RAD54L: variants seen among roughly 807,000 people sequenced by gnomAD.
RAD54L encodes RAD54 like, also known as DNA repair and recombination protein RAD54-like.
RAD54L carries 74 observed loss-of-function variants against 91.6 expected under a neutral mutation model. That is an observed-to-expected ratio of 0.81 (90% confidence interval 0.67 to 0.98). RAD54L has a LOEUF of 0.98. RAD54L is among the 50% of genes least tolerant of loss of function. RAD54L has a pLI of 0.00. For missense variants in RAD54L, 887 were observed against 945.7 expected (o/e 0.94, Z 0.81); for synonymous variants, 304 against 349.7 (o/e 0.87, Z 1.46).
intron 9 of RAD54L, 143 bp from the exon 10 acceptor site, chr1:46,270,515 TG>T: frequency 9.4e-7 from 1 of 1,068,646 alleles, no homozygotes. Context: ...CTCTCTGATC[TG>T]TTAAACAGAA....
intron 9 of RAD54L, among the ~76,000 whole-genome samples, chr1:46,268,583 C>G (rs1660330869): frequency 6.6e-6 from 1 of 152,226 alleles, no homozygotes; most frequent in African/African-American, 2.4e-5. Flanking sequence ...CTTCCTGACA[C>G]TATAGGTTGG....
At position 46,250,100 on chromosome 1, in the gene RAD54L, G is replaced by T. The variant is rs1243463133; in HGVS notation, c.191G>T (p.Cys64Phe). ...PLSQLTNQPP[C>F]LDSSQHEAFI... The stretch of plus-strand genomic sequence containing the variant: ...AGTCAGCTAACCAATCAACCACCTT[G>T]TCTGGACAGCAGTCAGCATGTAAGC... The change falls in exon 3 of 18, where the codon TGT (cysteine) becomes TTT (phenylalanine). Residue 64 changes from cysteine (C) to phenylalanine (F), a missense_variant. Physicochemically the swap from Cys to Phe is radical, Grantham distance 205. Transcript: ENST00000371975. 1 of 1,614,166 alleles carries T rather than the reference G, an allele frequency of 6.2e-7. No homozygotes were observed. The highest frequency in any genetic ancestry group is 1.7e-5 in the Admixed American group (1 of 60,008).
rs1376333438 is a variant in RAD54L at position 46,274,546 on chromosome 1, C to G, written c.1698C>G (p.Asp566Glu). 7 of 1,612,718 alleles carry G rather than the reference C, an allele frequency of 4.3e-6. No homozygotes were observed. Among genetic ancestry groups the G allele is most frequent in the Non-Finnish European group, 5.9e-6 (7 of 1,180,004 alleles). The change falls in exon 16 of 18, where the codon GAC becomes GAG. Residue 566 changes from aspartate (D) to glutamate (E), a missense_variant. Transcript: ENST00000371975. ...VERFNSPSSPDFVFMLSSKAG... is the reference protein window; with the variant it reads ...VERFNSPSSPEFVFMLSSKAG... ...GTTTCTTCTCTTTCCAGAGCCCTGA[C>G]TTTGTCTTCATGCTGAGCAGCAAAG... is the stretch of plus-strand genomic sequence containing the variant.
In RAD54L at chr1:46,261,270, T is replaced by G. The variant is rs1012002768; in HGVS notation, c.776T>G (p.Met259Arg). ...DEIDQKLEGF[M>R]NQRGARVSSP... is the part of the protein sequence containing the mutation. ...ACCTTTTCTGTTGTAGAAGGATTCA[T>G]GAACCAGCGTGGAGCCAGGGTGTCT... The change falls in exon 8 of 18, where the codon ATG (methionine) becomes AGG (arginine). Residue 259 changes from methionine (M) to arginine (R), a missense_variant. By Grantham distance (91) the Met-to-Arg change is moderately conservative. Coordinates refer to ENST00000371975, the MANE Select transcript of RAD54L (RefSeq NM_003579.4). 1 of 1,613,452 alleles carries G rather than the reference T, an allele frequency of 6.2e-7. No homozygotes were observed. Among genetic ancestry groups the G allele is most frequent in the African/African-American group, 1.3e-5 (1 of 74,756 alleles).
rs1246780598 is a variant in RAD54L, at chr1:46,267,457, AG to A, written c.893del. ...GCGCTCTGAATAAGGATTCTCTTGC[AG>A]GGACACAGGCTCAAGAACTCTGAGA... On this transcript the variant is annotated splice_acceptor_variant, in intron 8 of 17. Transcript: ENST00000371975. LOFTEE classifies it high-confidence loss of function. 1 of 1,613,992 alleles carries A rather than the reference AG, an allele frequency of 6.2e-7. No homozygotes were observed. Among genetic ancestry groups the A allele is most frequent in the Non-Finnish European group, 8.5e-7 (1 of 1,180,034 alleles).
chr1:46,259,176 CTTT>C (rs879837565), intron 4 of RAD54L, among the ~76,000 whole-genome samples: 1 of 144,690 alleles, frequency 6.9e-6, no homozygotes. Context: ...CTCTCTCTCT[CTTT>C]TTTTTTTTTT....
At chr1:46,264,691 G>A (rs1660219646) in intron 8 of RAD54L, among the ~76,000 whole-genome samples, 1 of 152,236 alleles carries the variant, frequency 6.6e-6, no homozygotes, top group Admixed American at 6.5e-5. Context: ...ACAAACTCAG[G>A]GAAGTGCGTA....
chr1:46,257,652 C>T (rs1659979945), intron 3 of RAD54L, among the ~76,000 whole-genome samples: 1 of 152,222 alleles, frequency 6.6e-6, no homozygotes, highest in Non-Finnish European at 1.5e-5. Flanking sequence ...CTGCTGTCAC[C>T]CTTGTCCCAC....
At chr1:46,257,030 G>T (rs1000523346) in intron 3 of RAD54L, among the ~76,000 whole-genome samples, 1 of 151,032 alleles carries the variant, frequency 6.6e-6, no homozygotes, top group African/African-American at 2.5e-5. Flanking sequence ...TGTAGTCCCA[G>T]CTACTTGGGA....
At chr1:46,255,067 C>T (rs767631280) in intron 3 of RAD54L, among the ~76,000 whole-genome samples, 2 of 152,098 alleles carry the variant, frequency 1.3e-5, no homozygotes, top group East Asian at 3.8e-4. Flanking sequence ...GAATTAGGGT[C>T]ATGTAGGCCA....
At position 46,258,548 on chromosome 1, in the gene RAD54L, T is replaced by C. The variant is rs1660005665; in HGVS notation, c.211-138T>C. The C allele has an allele frequency of 1.8e-5, 13 of 725,820 alleles. 1 individual carries two copies. In the South Asian group the frequency reaches 1.8e-4, roughly 10 times the overall value. The allele number at this position is 725,820 out of a possible 1,614,324, so 45.0% of individuals were successfully genotyped here. A position where few individuals can be genotyped will look rare whatever the true frequency, so the allele number is the denominator to read the frequency against. ...TGACTGAGGCTGGGCCCTTCTGCTA[T>C]CCCTGGATATTTGTAGAACCTTACA... On this transcript the variant is annotated intron_variant, in intron 3 of 17. Transcript: ENST00000371975.
chr1:46,258,813 C>T (rs113238778), intron 4 of RAD54L, 67 bp downstream of exon 4: 5 of 1,284,328 alleles, frequency 3.9e-6, no homozygotes, highest in South Asian at 3.6e-5. Flanking sequence ...AATTAAAAAC[C>T]TGCTTTTGTA....
chr1:46,256,844 A>C (rs768003749), intron 3 of RAD54L, among the ~76,000 whole-genome samples: 1 of 151,356 alleles, frequency 6.6e-6, no homozygotes, highest in African/African-American at 2.4e-5. Flanking sequence ...ACTTTTTTTA[A>C]ATTTAAAGTA....
chr1:46,261,126 A>C, intron 7 of RAD54L, 111 bp downstream of exon 7: 1 of 1,541,794 alleles, frequency 6.5e-7, no homozygotes, highest in East Asian at 2.4e-5. Context: ...AGAAGAAAAG[A>C]GAATTTCCAT....
chr1:46,253,687 A>G (rs1473797186), intron 3 of RAD54L, among the ~76,000 whole-genome samples: 1 of 103,836 alleles, frequency 9.6e-6, no homozygotes, highest in African/African-American at 3.6e-5. Flanking sequence ...TCTGTCCCCT[A>G]TTTTTCTACT....
At chr1:46,251,736 A>C (rs943084500) in intron 3 of RAD54L, among the ~76,000 whole-genome samples, 1 of 151,998 alleles carries the variant, frequency 6.6e-6, no homozygotes, top group African/African-American at 2.4e-5. Flanking sequence ...GTGAAACCCC[A>C]TCTCTACCAA....
chr1:46,262,188 C>T (rs1027811972), intron 8 of RAD54L, among the ~76,000 whole-genome samples: 17 of 151,826 alleles, frequency 1.1e-4, no homozygotes, highest in Admixed American at 3.3e-4. Context: ...CTGAGGCGGG[C>T]GGATCATGCG....
Position 46,278,155 on chromosome 1 carries a change from G to T in RAD54L, c.2117G>T (p.Trp706Leu). The T allele has an allele frequency of 6.2e-7, 1 of 1,613,750 alleles. No individual in the cohort carries two copies. Among genetic ancestry groups the T allele is most frequent in the African/African-American group, 1.3e-5 (1 of 75,042 alleles). ...GACTGCACTTCAGACCTGGCAGGGT[G>T]GAACCACTGCACTGATAAGTGGGGG... Reference protein sequence around the residue: ...GSDCTSDLAGWNHCTDKWGLR... With the variant: ...GSDCTSDLAGLNHCTDKWGLR... The change falls in exon 18 of 18, where the codon TGG becomes TTG. Residue 706 changes from tryptophan to leucine, a missense_variant. By Grantham distance (61) the Trp-to-Leu change is moderately conservative. Transcript: ENST00000371975.
chr1:46,260,210 T>G, intron 5 of RAD54L, 111 bp downstream of exon 5: 3 of 1,509,976 alleles, frequency 2.0e-6, no homozygotes, highest in Non-Finnish European at 2.7e-6. Flanking sequence ...ACATATGTTT[T>G]CAGAGAGTAG....
Sources: gnomAD v4.1 joint callset for allele counts (sites outside exome capture counted in the v4.1 genomes callset) on GRCh38, gnomAD v4.1.1 for gene constraint, MANE v1.5 for transcripts, NCBI Gene and HGNC (gene_info 2026-07-23, HGNC 2026-07-21) for gene names.